Variants in DSCAML1 observed in about 807,000 individuals in gnomAD.
DSCAML1 encodes the protein DS cell adhesion molecule like 1.
DSCAML1 carries 38 observed loss-of-function variants against 200.5 expected under a neutral mutation model. The observed-to-expected ratio is 0.19, with a 90% CI of 0.15 to 0.25. The LOEUF is 0.25. Ranked by LOEUF, DSCAML1 falls within the 10% of genes least tolerant of loss-of-function variation. The pLI is 1.00. For synonymous variants in DSCAML1, 1,215 were observed against 1,165.0 expected (o/e 1.04, Z -0.87); for missense variants, 2,223 against 2,858.8 (o/e 0.78, Z 5.07).
intron 1 of DSCAML1, among the ~76,000 whole-genome samples, chr11:117,793,052 G>A (rs1184572296): frequency 6.6e-6 from 1 of 152,202 alleles, no homozygotes; most frequent in East Asian, 1.9e-4. Context: ...TTCCATGCAA[G>A]GAGGAAGCCA....
chr11:117,532,593 C>CT, intron 3 of DSCAML1, 71 bp from the exon 4 acceptor site: 2 of 1,473,958 alleles, frequency 1.4e-6, no homozygotes, highest in Non-Finnish European at 1.8e-6. Flanking sequence ...GGTAGCGTCT[C>CT]TGACAGATGA....
intron 3 of DSCAML1, among the ~76,000 whole-genome samples, chr11:117,691,517 C>G (rs934547690): frequency 1.3e-5 from 2 of 152,176 alleles, no homozygotes; most frequent in Non-Finnish European, 1.5e-5. Flanking sequence ...TTTATAATTT[C>G]TCTTCCCCAT....
intron 3 of DSCAML1, among the ~76,000 whole-genome samples, chr11:117,542,563 G>A (rs952571675): frequency 6.6e-6 from 1 of 152,130 alleles, no homozygotes; most frequent in Admixed American, 6.5e-5. Flanking sequence ...ACTCTTTTAG[G>A]TACCTCTCTC....
intron 32 of DSCAML1, 124 bp downstream of exon 32, chr11:117,430,598 C>T: frequency 1.7e-6 from 2 of 1,191,484 alleles, no homozygotes; most frequent in Non-Finnish European, 2.3e-6. Context: ...CCACCCTGCA[C>T]TGCCAAGGAG....
intron 3 of DSCAML1, among the ~76,000 whole-genome samples, chr11:117,637,759 T>C (rs890699027): frequency 2.6e-5 from 4 of 152,102 alleles, no homozygotes; most frequent in Non-Finnish European, 5.9e-5. Flanking sequence ...TACAAACAAT[T>C]TAGAGGTCTT....
At chr11:117,697,228 C>T (rs905971754) in intron 3 of DSCAML1, among the ~76,000 whole-genome samples, 1 of 152,208 alleles carries the variant, frequency 6.6e-6, no homozygotes, top group African/African-American at 2.4e-5. Context: ...GGCCACCTGC[C>T]TCACATAGCT....
chr11:117,705,790 A>G (rs1384533347), intron 3 of DSCAML1, among the ~76,000 whole-genome samples: 2 of 152,210 alleles, frequency 1.3e-5, no homozygotes, highest in Non-Finnish European at 1.5e-5. Context: ...CAAGTGTTCC[A>G]TAGTGGGGAA....
intron 3 of DSCAML1, among the ~76,000 whole-genome samples, chr11:117,739,608 A>G (rs1006499656): frequency 2.6e-5 from 4 of 152,218 alleles, no homozygotes; most frequent in African/African-American, 9.6e-5. Flanking sequence ...CAAGCTATTT[A>G]CCCACTAGAA....
intron 1 of DSCAML1, among the ~76,000 whole-genome samples, chr11:117,788,360 T>TGGA (rs1351996628): frequency 1.3e-5 from 2 of 152,228 alleles, no homozygotes; most frequent in Admixed American, 6.5e-5. Context: ...GGAGTCTGGC[T>TGGA]CTGTCACCCA....
intron 3 of DSCAML1, among the ~76,000 whole-genome samples, chr11:117,685,808 C>A (rs2053393084): frequency 6.6e-6 from 1 of 152,112 alleles, no homozygotes; most frequent in African/African-American, 2.4e-5. Flanking sequence ...GGAAGTTGTA[C>A]AGTCCTGTCA....
At chr11:117,566,368 T>TTC (rs2050757215) in intron 3 of DSCAML1, among the ~76,000 whole-genome samples, 1 of 150,752 alleles carries the variant, frequency 6.6e-6, no homozygotes, top group Non-Finnish European at 1.5e-5. Flanking sequence ...TTTTTTTTTT[T>TTC]CTAGGGCCTT....
At chr11:117,794,496 T>C (rs2055535706) in intron 1 of DSCAML1, among the ~76,000 whole-genome samples, 1 of 152,046 alleles carries the variant, frequency 6.6e-6, no homozygotes, top group Non-Finnish European at 1.5e-5. Context: ...TTAAAACACA[T>C]TCAATAACTG....
chr11:117,459,259 G>A (rs578220571), intron 18 of DSCAML1, among the ~76,000 whole-genome samples: 36 of 152,374 alleles, frequency 2.4e-4, no homozygotes, highest in Admixed American at 2.0e-3. Context: ...CTTCCCATGG[G>A]AGAGCCCAGA....
intron 20 of DSCAML1, among the ~76,000 whole-genome samples, chr11:117,448,637 GT>G (rs200740642): frequency 3.7e-4 from 33 of 88,448 alleles, no homozygotes; most frequent in Non-Finnish European, 4.7e-4. Flanking sequence ...GTGTGTGTGT[GT>G]GGGGGGTGGG....
At chr11:117,745,226 G>GA (rs1241811691) in intron 3 of DSCAML1, among the ~76,000 whole-genome samples, 1 of 62,400 alleles carries the variant, frequency 1.6e-5, no homozygotes, top group African/African-American at 5.4e-5. Context: ...GCTACCTGGG[G>GA]CGGGGGTGGC....
intron 11 of DSCAML1, among the ~76,000 whole-genome samples, chr11:117,484,649 G>T (rs1350360708): frequency 1.3e-5 from 2 of 152,218 alleles, no homozygotes; most frequent in Non-Finnish European, 2.9e-5. Flanking sequence ...TCAAAGATTT[G>T]CATAATTCAC....
rs993255790 is a variant in DSCAML1 at position 117,428,273 on chromosome 11, G to A, written c.*55C>T. On this transcript the variant is annotated 3_prime_UTR_variant, in exon 33 of 33. Coordinates refer to ENST00000651296, the MANE Select transcript of DSCAML1 (RefSeq NM_020693.4). The stretch of plus-strand genomic sequence containing the variant: ...ATAATGCAGAAAAACAGCCGAGCTG[G>A]CGTGTGGGGCTGCGGCGCGGCGCGG... The A allele has an allele frequency of 1.8e-4, 179 of 985,438 alleles. No homozygotes were observed. The highest frequency in any genetic ancestry group is 2.1e-4 in the Non-Finnish European group (134 of 634,310). 61.0% of individuals were successfully genotyped at this position (985,438 alleles called of 1,614,324 possible).
At chr11:117,743,938 G>A (rs1025890629) in intron 3 of DSCAML1, among the ~76,000 whole-genome samples, 7 of 152,154 alleles carry the variant, frequency 4.6e-5, no homozygotes, top group Admixed American at 3.3e-4. Context: ...ATGTTCACTC[G>A]TTGGCCTCAG....
chr11:117,642,086 C>T lies in DSCAML1; in HGVS notation c.512-109564G>A, dbSNP rs1207555253. On this transcript the variant is annotated intron_variant, in intron 3 of 32. Transcript: ENST00000651296. This position sits in a 1 kb window ranked among gnomAD's most constrained non-coding sequence, Gnocchi z 4.1. ...TTTTCTGAACATCGATGGCAGTCAT[C>T]TCTACCTCACCTGCCCTTACCATTG... Among the ~76,000 whole-genome samples the T allele has an allele frequency of 6.6e-6, 1 of 152,166 alleles. No homozygotes were observed.
Sources: allele counts gnomAD v4.1 joint callset (sites outside exome capture counted in the v4.1 genomes callset), GRCh38; gene constraint gnomAD v4.1.1; non-coding constraint Gnocchi (gnomAD v3.1); transcripts MANE v1.5; gene names NCBI Gene and HGNC (gene_info 2026-07-23, HGNC 2026-07-21).